The following SLC44A5 variants were observed in gnomAD, a reference collection of about 807,000 sequenced individuals.
SLC44A5 encodes the protein solute carrier family 44 member 5.
A neutral mutation model predicts 101.8 loss-of-function variants in SLC44A5; 57 were observed. That is an observed-to-expected ratio of 0.56 (90% CI 0.45 to 0.70). The LOEUF is 0.70. Ranked by LOEUF, SLC44A5 falls within the 30% of genes least tolerant of loss-of-function variation. The pLI is 0.00. For synonymous variants in SLC44A5, 281 were observed against 290.9 expected (o/e 0.97, Z 0.35); for missense variants, 737 against 853.1 (o/e 0.86, Z 1.70).
the SLC44A5 span, among the ~76,000 whole-genome samples, chr1:75,688,530 T>C: frequency 6.6e-6 from 1 of 152,188 alleles, no homozygotes; most frequent in East Asian, 1.9e-4. Context: ...CAAGTTTTAC[T>C]TGATAATAAA....
At chr1:75,679,981 G>C in the SLC44A5 span, among the ~76,000 whole-genome samples, 1 of 152,250 alleles carries the variant, frequency 6.6e-6, no homozygotes, top group Non-Finnish European at 1.5e-5. Flanking sequence ...TGATAAAAAA[G>C]ACTTTAAACC....
chr1:75,308,155 G>GA (rs1363738171), intron 4 of SLC44A5, among the ~76,000 whole-genome samples: 6 of 152,040 alleles, frequency 3.9e-5, no homozygotes, highest in Non-Finnish European at 8.8e-5. Flanking sequence ...AATACCCTAT[G>GA]AAAAAACAGT....
At chr1:75,246,754 T>C (rs1390359370) in intron 7 of SLC44A5, among the ~76,000 whole-genome samples, 1 of 152,044 alleles carries the variant, frequency 6.6e-6, no homozygotes, top group Admixed American at 6.6e-5. Flanking sequence ...TTGGACAGGA[T>C]GAGCAATCAA....
chr1:75,246,776 A>G (rs1260758133), intron 7 of SLC44A5, among the ~76,000 whole-genome samples: 1 of 152,090 alleles, frequency 6.6e-6, no homozygotes, highest in Non-Finnish European at 1.5e-5. Context: ...ACATACAGTC[A>G]TCTGGAAAAA....
At chr1:75,661,387 TAAAAAAA>T in the SLC44A5 span, among the ~76,000 whole-genome samples, 5 of 53,610 alleles carry the variant, frequency 9.3e-5, no homozygotes, top group Admixed American at 3.0e-4. Context: ...CTACTGCAAG[TAAAAAAA>T]AAAAAAAAAA....
intron 23 of SLC44A5, chr1:75,204,681 T>A (rs927049904): frequency 2.0e-5 from 3 of 152,026 alleles, no homozygotes; most frequent in African/African-American, 7.3e-5. Context: ...ATAGATGGGG[T>A]TTCACCATGT....
At chr1:75,404,211 A>T (rs940759154) in intron 2 of SLC44A5, among the ~76,000 whole-genome samples, 2 of 152,140 alleles carry the variant, frequency 1.3e-5, no homozygotes, top group African/African-American at 4.8e-5. Context: ...GAAAAGACCA[A>T]CCTACGTTTG....
intron 3 of SLC44A5, among the ~76,000 whole-genome samples, chr1:75,394,028 T>C (rs1286218507): frequency 1.3e-5 from 2 of 152,132 alleles, no homozygotes; most frequent in African/African-American, 2.4e-5. Flanking sequence ...TATTTAAAAC[T>C]ATGGGATCAG....
At chr1:75,620,364 G>T in the SLC44A5 span, among the ~76,000 whole-genome samples, 2 of 152,086 alleles carry the variant, frequency 1.3e-5, no homozygotes, top group South Asian at 4.1e-4. Flanking sequence ...AGGATTGCTG[G>T]GTCAAATTGG....
Position 75,469,960 on chromosome 1 carries a change from A to T in SLC44A5, c.13+71475T>A, listed in dbSNP as rs189483422. ...CGTATCCTGACTCCCATAATAAAAA[A>T]TTGCAGTTCAAAGGGAGGAGGGCTT... On this transcript the variant is annotated intron_variant, in intron 2 of 23. Coordinates refer to ENST00000370859, the MANE Select transcript of SLC44A5 (RefSeq NM_001130058.2). Among the ~76,000 whole-genome samples, 196 of 151,946 alleles carry T rather than the reference A, an allele frequency of 1.3e-3. 2 individuals carry two copies. Among genetic ancestry groups the T allele is most frequent in the African/African-American group, 4.7e-3 (193 of 41,458 alleles).
chr1:75,699,144 T>C, the SLC44A5 span, among the ~76,000 whole-genome samples: 1 of 151,854 alleles, frequency 6.6e-6, no homozygotes, highest in African/African-American at 2.4e-5. Flanking sequence ...ATTCAGGAAA[T>C]ACAGAGAACA....
At chr1:75,704,567 C>G in the SLC44A5 span, among the ~76,000 whole-genome samples, 2 of 152,164 alleles carry the variant, frequency 1.3e-5, no homozygotes, top group African/African-American at 2.4e-5. Flanking sequence ...TACATTTCCT[C>G]TTAGTTATGG....
chr1:75,251,137 G>T, intron 7 of SLC44A5, 73 bp downstream of exon 7: 2 of 1,222,762 alleles, frequency 1.6e-6, no homozygotes, highest in Non-Finnish European at 2.4e-6. Flanking sequence ...GAACTCAAAT[G>T]GAATTTCTCA....
At chr1:75,545,246 C>T (rs572736601) in intron 1 of SLC44A5, among the ~76,000 whole-genome samples, 1 of 152,256 alleles carries the variant, frequency 6.6e-6, no homozygotes, top group South Asian at 2.1e-4. Flanking sequence ...TTTCCTTTAT[C>T]CAGTCTATCG....
At chr1:75,478,352 C>A (rs569662542) in intron 2 of SLC44A5, among the ~76,000 whole-genome samples, 3 of 152,136 alleles carry the variant, frequency 2.0e-5, no homozygotes, top group African/African-American at 4.8e-5. Flanking sequence ...AACTAACGAG[C>A]AAAATAACCA....
intron 2 of SLC44A5, among the ~76,000 whole-genome samples, chr1:75,471,017 CAA>C (rs947079744): frequency 6.6e-6 from 1 of 152,026 alleles, no homozygotes; most frequent in Non-Finnish European, 1.5e-5. Flanking sequence ...AAAAAGCTAA[CAA>C]AACACAACTA....
At chr1:75,240,683 AG>A (rs1346902208) in intron 9 of SLC44A5, among the ~76,000 whole-genome samples, 1 of 152,078 alleles carries the variant, frequency 6.6e-6, no homozygotes. Context: ...GAGTGATGGA[AG>A]TATGTAAGAC....
chr1:75,208,440 T>C (rs557189112), intron 23 of SLC44A5, among the ~76,000 whole-genome samples: 2 of 152,320 alleles, frequency 1.3e-5, no homozygotes, highest in Non-Finnish European at 2.9e-5. Context: ...ATTACAGGCG[T>C]GAGCCACCAT....
intron 3 of SLC44A5, among the ~76,000 whole-genome samples, chr1:75,352,221 C>G (rs1270061929): frequency 6.6e-6 from 1 of 151,900 alleles, no homozygotes; most frequent in African/African-American, 2.4e-5. Context: ...TCTTAAGTTT[C>G]AAGGTATATG....
Sources: allele counts gnomAD v4.1 joint callset (sites outside exome capture counted in the v4.1 genomes callset), GRCh38; gene constraint gnomAD v4.1.1; transcripts MANE v1.5; gene names NCBI Gene and HGNC (gene_info 2026-07-23, HGNC 2026-07-21).